SELENOT: variants seen among roughly 807,000 people sequenced by gnomAD.
SELENOT encodes the protein thioredoxin reductase-like selenoprotein T.
SELENOT carries 9 observed loss-of-function variants against 24.3 expected under a neutral mutation model. The ratio of observed to expected loss-of-function variants is 0.37; its 90% CI spans 0.22 to 0.65. The LOEUF is 0.65. SELENOT is among the 30% of genes least tolerant of loss of function. The pLI, the probability that SELENOT is intolerant of heterozygous loss-of-function variation, is 0.60. For missense variants in SELENOT, 166 were observed against 247.6 expected (o/e 0.67, Z 2.21); for synonymous variants, 81 against 86.0 (o/e 0.94, Z 0.32).
At chr3:150,611,683 C>T in intron 1 of SELENOT, 2 of 1,601,384 alleles carry the variant, frequency 1.2e-6, no homozygotes, top group Non-Finnish European at 1.7e-6. Flanking sequence ...TTGCCTGCTG[C>T]CCGACCGCAC....
chr3:150,625,519 C>T (rs1726421269), intron 4 of SELENOT, among the ~76,000 whole-genome samples: 1 of 152,114 alleles, frequency 6.6e-6, no homozygotes, highest in African/African-American at 2.4e-5. Context: ...TTCTGTTCAT[C>T]TTAACTGCCA....
At position 150,628,374 on chromosome 3, in the gene SELENOT, G is replaced by A. The variant is rs193249317; in HGVS notation, c.*745G>A. On this transcript the variant is annotated 3_prime_UTR_variant, in exon 6 of 6. Coordinates refer to ENST00000471696, the MANE Select transcript of SELENOT (RefSeq NM_016275.5). ...ACTAAATAAAAAACTAAGCAGATAT[G>A]AGTTAAATTTAAAAGTTTCAATTTA... 32 of 152,696 alleles carry A rather than the reference G, an allele frequency of 2.1e-4. No individual in the cohort carries two copies. Among genetic ancestry groups the A allele is most frequent in the African/African-American group, 7.7e-4 (32 of 41,556 alleles). The allele number at this position is 152,696 out of a possible 1,614,324, so 9.5% of individuals were successfully genotyped here.
At chr3:150,626,298 T>C (rs939493138) in intron 4 of SELENOT, among the ~76,000 whole-genome samples, 3 of 152,254 alleles carry the variant, frequency 2.0e-5, no homozygotes, top group African/African-American at 7.2e-5. Context: ...AGGCTCTGCA[T>C]GATCTATTTC....
chr3:150,618,488 A>C (rs1048771125), intron 1 of SELENOT, among the ~76,000 whole-genome samples: 1 of 152,226 alleles, frequency 6.6e-6, no homozygotes, highest in African/African-American at 2.4e-5. Context: ...AATTAGCAGC[A>C]AATGTAATAG....
chr3:150,612,487 A>G (rs1726117928), intron 1 of SELENOT, among the ~76,000 whole-genome samples: 1 of 152,218 alleles, frequency 6.6e-6, no homozygotes. Flanking sequence ...TTTGGGTGGT[A>G]TCACATAATT....
intron 1 of SELENOT, chr3:150,611,820 G>C: frequency 1.0e-6 from 1 of 952,472 alleles, no homozygotes; most frequent in Non-Finnish European, 1.6e-6. Flanking sequence ...AGGCACTGGC[G>C]ACCACAGCGG....
chr3:150,619,729 A>G (rs567233928), intron 1 of SELENOT, among the ~76,000 whole-genome samples: 1 of 152,330 alleles, frequency 6.6e-6, no homozygotes, highest in East Asian at 1.9e-4. Flanking sequence ...GAGATGGTAG[A>G]GGTGATGGTT....
At chr3:150,622,849 G>T (rs1162673541) in intron 2 of SELENOT, among the ~76,000 whole-genome samples, 194 bp from the exon 3 acceptor site, 1 of 152,004 alleles carries the variant, frequency 6.6e-6, no homozygotes, top group Non-Finnish European at 1.5e-5. Flanking sequence ...AAATTTGTAG[G>T]TTAATTTTTC....
Position 150,623,189 on chromosome 3 carries a change from T to C in SELENOT, c.375+20T>C, listed in dbSNP as rs1323818835. 1 of 1,568,370 alleles carries C rather than the reference T, an allele frequency of 6.4e-7. No individual in the cohort carries two copies. The highest frequency in any genetic ancestry group is 1.4e-5 in the African/African-American group (1 of 72,936). On this transcript the variant is annotated intron_variant, in intron 3 of 5. Transcript: ENST00000471696. ...AATAAGGTATGTAACTTAATAGCTT[T>C]GGTAACTGTAGGTTTTTATGTTGTC...
Position 150,611,918 on chromosome 3 carries a change from A to T in SELENOT, c.137+8419A>T, listed in dbSNP as rs761067108. The T allele has an allele frequency of 1.7e-4, 161 of 967,818 alleles. 6 individuals carry two copies. The highest frequency in any genetic ancestry group is 2.2e-4 in the Non-Finnish European group (149 of 662,364). The allele number at this position is 967,818 out of a possible 1,614,324, so 60.0% of individuals were successfully genotyped here. On this transcript the variant is annotated intron_variant, in intron 1 of 5. Coordinates refer to ENST00000471696, the MANE Select transcript of SELENOT (RefSeq NM_016275.5). ...GGTACCGGCGCTGACAGAAATCCCC[A>T]CTCTCCTGGCCGCTCCGTCGGCGGC...
chr3:150,611,643 C>G lies in SELENOT; in HGVS notation c.137+8144C>G, dbSNP rs1576530693. 5 of 1,585,060 alleles carry G rather than the reference C, an allele frequency of 3.2e-6. No individual in the cohort carries two copies. In the South Asian group the frequency reaches 5.5e-5, roughly 18 times the overall value. ...CTCGATCTTCACCTTCTGGGATATG[C>G]TCTTCTGGATCCTCTTGCTGAAGCT... On this transcript the variant is annotated intron_variant, in intron 1 of 5. Coordinates refer to ENST00000471696, the MANE Select transcript of SELENOT (RefSeq NM_016275.5).
intron 1 of SELENOT, among the ~76,000 whole-genome samples, chr3:150,613,665 CTTTTTTT>C (rs531822237): frequency 1.3e-5 from 1 of 78,890 alleles, no homozygotes; most frequent in Non-Finnish European, 2.4e-5. Flanking sequence ...AAGATGGGAA[CTTTTTTT>C]TTTTTTTTTT....
intron 1 of SELENOT, among the ~76,000 whole-genome samples, chr3:150,618,458 A>G (rs906790077): frequency 3.3e-5 from 5 of 152,248 alleles, no homozygotes; most frequent in Admixed American, 6.5e-5. Flanking sequence ...TAGGTTTGAT[A>G]TAAGTAGGCA....
chr3:150,611,767 G>T, intron 1 of SELENOT: 1 of 1,258,448 alleles, frequency 7.9e-7, no homozygotes, highest in Non-Finnish European at 1.1e-6. Flanking sequence ...CAGCCGCTGA[G>T]ACCGCCCCTG....
In SELENOT at chr3:150,604,101, G is replaced by C. The variant is rs558485432; in HGVS notation, c.137+602G>C. Among the ~76,000 whole-genome samples, 9 of 152,304 alleles carry C rather than the reference G, an allele frequency of 5.9e-5. No individual in the cohort carries two copies. In the South Asian group the frequency reaches 1.9e-3, roughly 32 times the overall value. ...AGGAAGGTCTGGGGATGCTGGTTCT[G>C]TTTGCCATTTCCAAAGTGTCAGAAA... On this transcript the variant is annotated intron_variant, in intron 1 of 5. Coordinates refer to ENST00000471696, the MANE Select transcript of SELENOT (RefSeq NM_016275.5).
chr3:150,606,691 CAAGAG>C (rs1324407667), intron 1 of SELENOT, among the ~76,000 whole-genome samples: 1 of 152,024 alleles, frequency 6.6e-6, no homozygotes, highest in Non-Finnish European at 1.5e-5. Flanking sequence ...CTCCTGGGCT[CAAGAG>C]ATTCTCATGC....
chr3:150,616,508 AAAAC>A (rs1439492497), intron 1 of SELENOT, among the ~76,000 whole-genome samples: 3,790 of 150,904 alleles, frequency 0.025, 136 homozygotes, highest in African/African-American at 0.086. Context: ...TTACAAGAAA[AAAAC>A]AAACAACCCC....
intron 1 of SELENOT, among the ~76,000 whole-genome samples, chr3:150,621,467 G>A (rs1000540414): frequency 2.0e-5 from 3 of 151,954 alleles, no homozygotes; most frequent in Non-Finnish European, 4.4e-5. Context: ...TCTGTACCAA[G>A]TGGTACCTTA....
At chr3:150,617,801 G>A (rs115905459) in intron 1 of SELENOT, among the ~76,000 whole-genome samples, 7 of 151,226 alleles carry the variant, frequency 4.6e-5, no homozygotes, top group African/African-American at 7.3e-5. Context: ...AACTGAGCAC[G>A]CTTTTTATCT....
Sources: allele counts gnomAD v4.1 joint callset (sites outside exome capture counted in the v4.1 genomes callset), GRCh38; gene constraint gnomAD v4.1.1; transcripts MANE v1.5; gene names NCBI Gene and HGNC (gene_info 2026-07-23, HGNC 2026-07-21).